Variants in FER observed in about 807,000 individuals in gnomAD.
FER encodes the protein tyrosine-protein kinase Fer.
Under a neutral mutation model 111.0 loss-of-function variants are expected in FER, and 63 were observed. That is an observed-to-expected ratio of 0.57 (90% CI 0.46 to 0.70). FER has a LOEUF of 0.70. Ranked by LOEUF, FER falls within the 30% of genes least tolerant of loss-of-function variation. The pLI, the probability that FER is intolerant of heterozygous loss-of-function variation, is 0.00. For synonymous variants in FER, 327 were observed against 313.9 expected, an observed-to-expected ratio of 1.04 and a Z score of -0.44; for missense variants, 914 against 954.0, an observed-to-expected ratio of 0.96 and a Z score of 0.55.
chr5:108,782,872 A>G (rs1174379440), intron 2 of FER: 2 of 152,098 alleles, frequency 1.3e-5, no homozygotes, highest in Non-Finnish European at 2.9e-5. Flanking sequence ...TGAAAAGGCT[A>G]TTCTTCTTCT....
intron 13 of FER, among the ~76,000 whole-genome samples, chr5:108,967,442 T>A: frequency 6.6e-6 from 1 of 152,014 alleles, no homozygotes. Context: ...AAGGCACCAC[T>A]GAAAGTTGGG....
chr5:108,816,047 GTAAC>G (rs1758234420), intron 3 of FER, among the ~76,000 whole-genome samples: 2 of 151,640 alleles, frequency 1.3e-5, no homozygotes, highest in African/African-American at 2.4e-5. Flanking sequence ...TCTTAACTAA[GTAAC>G]TAACTAACTA....
At chr5:108,965,414 C>T (rs1042786143) in intron 13 of FER, among the ~76,000 whole-genome samples, 3 of 151,912 alleles carry the variant, frequency 2.0e-5, no homozygotes, top group African/African-American at 4.8e-5. Context: ...AAGCATTTTT[C>T]GCAGGACAGA....
At chr5:108,955,575 A>G in intron 12 of FER, among the ~76,000 whole-genome samples, 1 of 151,904 alleles carries the variant, frequency 6.6e-6, no homozygotes, top group South Asian at 2.1e-4. Context: ...AGCCTTAAAC[A>G]GATGAAGAGT....
chr5:109,157,669 G>GA (rs1283515267), intron 17 of FER, among the ~76,000 whole-genome samples: 1 of 151,994 alleles, frequency 6.6e-6, no homozygotes, highest in African/African-American at 2.4e-5. Flanking sequence ...CATTTTTATG[G>GA]AATTTTCATT....
chr5:109,101,529 A>G (rs933801309), intron 17 of FER, among the ~76,000 whole-genome samples: 4 of 151,978 alleles, frequency 2.6e-5, no homozygotes, highest in African/African-American at 9.7e-5. Flanking sequence ...GCTCACCCCA[A>G]ATTTTACTCA....
At chr5:108,954,593 G>T in intron 11 of FER, 136 bp from the exon 12 acceptor site, 2 of 637,924 alleles carry the variant, frequency 3.1e-6, no homozygotes, top group Non-Finnish European at 5.0e-6. Flanking sequence ...GATATTTTAG[G>T]TTTATTGTAT....
At chr5:109,064,417 T>TA (rs568731168) in intron 16 of FER, among the ~76,000 whole-genome samples, 81 of 152,230 alleles carry the variant, frequency 5.3e-4, no homozygotes, top group Non-Finnish European at 9.1e-4. Context: ...ATATAAGAAA[T>TA]AAAAATATAA....
intron 1 of FER, among the ~76,000 whole-genome samples, chr5:108,763,825 CAT>C (rs1167609797): frequency 6.6e-6 from 1 of 152,152 alleles, no homozygotes; most frequent in Non-Finnish European, 1.5e-5. Flanking sequence ...CATCTGAACT[CAT>C]ATATAGGGGC....
chr5:109,052,883 A>G (rs896350035), intron 16 of FER, among the ~76,000 whole-genome samples: 1 of 152,132 alleles, frequency 6.6e-6, no homozygotes, highest in African/African-American at 2.4e-5. Flanking sequence ...GGAATCTCAA[A>G]TCTTATTAGT....
At chr5:108,999,819 C>G (rs1764489064) in intron 13 of FER, among the ~76,000 whole-genome samples, 1 of 150,132 alleles carries the variant, frequency 6.7e-6, no homozygotes, top group African/African-American at 2.5e-5. Context: ...ATTAGCTCTT[C>G]TGTTTTCCAC....
intron 17 of FER, among the ~76,000 whole-genome samples, chr5:109,117,097 T>G (rs1750344575): frequency 6.6e-6 from 1 of 152,184 alleles, no homozygotes; most frequent in African/African-American, 2.4e-5. Flanking sequence ...GCACTACTTA[T>G]TCTTTCTCAG....
chr5:108,950,648 A>G (rs971178545), intron 11 of FER, among the ~76,000 whole-genome samples: 7 of 152,198 alleles, frequency 4.6e-5, no homozygotes, highest in Admixed American at 2.6e-4. Flanking sequence ...AGATTAATTC[A>G]ATAGATTCAA....
At chr5:108,997,766 A>G (rs1764187683) in intron 13 of FER, among the ~76,000 whole-genome samples, 1 of 152,012 alleles carries the variant, frequency 6.6e-6, no homozygotes, top group South Asian at 2.1e-4. Context: ...TTTCATGAAG[A>G]TGGGGGTTTT....
At chr5:108,931,046 A>G (rs984329955) in intron 10 of FER, among the ~76,000 whole-genome samples, 7 of 152,226 alleles carry the variant, frequency 4.6e-5, no homozygotes, top group African/African-American at 1.7e-4. Context: ...TTTTATTATT[A>G]TCTTTGGAAA....
intron 1 of FER, among the ~76,000 whole-genome samples, chr5:108,754,013 C>G (rs1188678644): frequency 2.6e-5 from 4 of 152,140 alleles, no homozygotes; most frequent in Non-Finnish European, 4.4e-5. Flanking sequence ...CTAATTCAGT[C>G]TCTCTCCTAT....
chr5:108,832,997 A>G, intron 4 of FER, 54 bp downstream of exon 4: 1 of 1,472,770 alleles, frequency 6.8e-7, no homozygotes, highest in Admixed American at 2.2e-5. Flanking sequence ...AAATTCACAG[A>G]AATATTTTAC....
intron 13 of FER, among the ~76,000 whole-genome samples, chr5:109,003,145 C>G (rs1316216567): frequency 6.6e-6 from 1 of 152,012 alleles, no homozygotes; most frequent in African/African-American, 2.4e-5. Context: ...ATAAATCATG[C>G]TGCTATAAAG....
At chr5:109,162,148 T>G (rs1359599567) in intron 17 of FER, among the ~76,000 whole-genome samples, 1 of 152,096 alleles carries the variant, frequency 6.6e-6, no homozygotes, top group African/African-American at 2.4e-5. Context: ...ATGTATGTAC[T>G]TTTTCAGGAA....
Sources: gnomAD v4.1 joint callset for allele counts (sites outside exome capture counted in the v4.1 genomes callset) on GRCh38, gnomAD v4.1.1 for gene constraint, MANE v1.5 for transcripts, NCBI Gene and HGNC (gene_info 2026-07-23, HGNC 2026-07-21) for gene names.